Variants in NKAIN2 observed in about 807,000 individuals in gnomAD.
NKAIN2 encodes the protein sodium/potassium-transporting ATPase subunit beta-1-interacting protein 2.
Under a neutral mutation model 32.6 loss-of-function variants are expected in NKAIN2, and 14 were observed. That is an observed-to-expected ratio of 0.43 (90% CI 0.28 to 0.67). The LOEUF (loss-of-function observed/expected upper bound fraction) is 0.67, where lower values mean the gene tolerates loss of function less well. Among genes scored for constraint, NKAIN2 ranks in the 30% least tolerant of loss-of-function variants. The pLI is 0.17. For missense variants in NKAIN2, 198 were observed against 258.3 expected, an observed-to-expected ratio of 0.77 and a Z score of 1.60; for synonymous variants, 80 against 87.2, an observed-to-expected ratio of 0.92 and a Z score of 0.46.
At chr6:124,426,424 A>C (rs1413862350) in intron 3 of NKAIN2, among the ~76,000 whole-genome samples, 1 of 152,206 alleles carries the variant, frequency 6.6e-6, no homozygotes, top group African/African-American at 2.4e-5. Flanking sequence ...AATATTTTCC[A>C]ATCATGTATC....
At chr6:124,619,854 G>T (rs1284833664) in intron 3 of NKAIN2, among the ~76,000 whole-genome samples, 3 of 152,068 alleles carry the variant, frequency 2.0e-5, no homozygotes, top group Non-Finnish European at 1.5e-5. Flanking sequence ...AGAACACATG[G>T]CTATGGAGTT....
chr6:124,165,418 T>C (rs944101311), intron 1 of NKAIN2, among the ~76,000 whole-genome samples: 26 of 152,052 alleles, frequency 1.7e-4, no homozygotes, highest in Non-Finnish European at 1.0e-4. Flanking sequence ...CAATTTCCTT[T>C]TTTGCTATAT....
chr6:124,082,634 A>G (rs770627043), intron 1 of NKAIN2, among the ~76,000 whole-genome samples: 1 of 152,040 alleles, frequency 6.6e-6, no homozygotes, highest in Non-Finnish European at 1.5e-5. Context: ...CACATGGCCA[A>G]TATAAAAAAA....
intron 3 of NKAIN2, among the ~76,000 whole-genome samples, chr6:124,426,857 G>A (rs1775003034): frequency 6.6e-6 from 1 of 152,050 alleles, no homozygotes; most frequent in African/African-American, 2.4e-5. Context: ...GTTTTATAAA[G>A]GGGAGTTTCC....
chr6:124,664,590 C>T (rs1026678285), intron 4 of NKAIN2, among the ~76,000 whole-genome samples: 3 of 150,524 alleles, frequency 2.0e-5, no homozygotes, highest in African/African-American at 4.9e-5. Context: ...GTCAGGAGAT[C>T]GAGACCATCC....
chr6:124,048,942 A>G (rs1382005144), intron 1 of NKAIN2, among the ~76,000 whole-genome samples: 1 of 152,066 alleles, frequency 6.6e-6, no homozygotes. Flanking sequence ...ATATGAGTTT[A>G]TCAAATGTTC....
intron 3 of NKAIN2, among the ~76,000 whole-genome samples, chr6:124,356,109 A>C (rs1798957743): frequency 6.6e-6 from 1 of 152,174 alleles, no homozygotes. Flanking sequence ...AAAAATTGTA[A>C]AATGTTCTTT....
At chr6:124,197,428 T>C (rs1403931005) in intron 1 of NKAIN2, among the ~76,000 whole-genome samples, 1 of 152,156 alleles carries the variant, frequency 6.6e-6, no homozygotes, top group Non-Finnish European at 1.5e-5. Flanking sequence ...GTTATTTGGT[T>C]GTATTATGAC....
intron 1 of NKAIN2, among the ~76,000 whole-genome samples, chr6:124,004,686 GA>G (rs774820721): frequency 1.3e-5 from 2 of 151,726 alleles, no homozygotes; most frequent in Non-Finnish European, 2.9e-5. Context: ...ACAGGGTGGG[GA>G]ACATCACACA....
At chr6:123,824,325 T>C (rs971642856) in intron 1 of NKAIN2, among the ~76,000 whole-genome samples, 3 of 151,986 alleles carry the variant, frequency 2.0e-5, no homozygotes, top group African/African-American at 4.8e-5. Flanking sequence ...TACATGAACA[T>C]GATTATCTGT....
intron 3 of NKAIN2, among the ~76,000 whole-genome samples, chr6:124,387,576 G>T (rs916739664): frequency 6.6e-6 from 1 of 152,104 alleles, no homozygotes; most frequent in Non-Finnish European, 1.5e-5. Context: ...CAAAGCATAT[G>T]AGTAACAAAA....
intron 2 of NKAIN2, among the ~76,000 whole-genome samples, chr6:124,306,875 G>A (rs1220495822): frequency 1.3e-5 from 2 of 152,020 alleles, no homozygotes; most frequent in Admixed American, 6.6e-5. Flanking sequence ...ACAATATTAA[G>A]GCACAATACA....
intron 1 of NKAIN2, chr6:123,829,254 A>G (rs1774275913): frequency 6.6e-6 from 1 of 152,134 alleles, no homozygotes; most frequent in African/African-American, 2.4e-5. Context: ...CGTTACTCAG[A>G]TGATTCTCAA....
Position 124,120,207 on chromosome 6 carries a change from T to C in NKAIN2, c.55-162798T>C, listed in dbSNP as rs192424992. 2.4e-3 allele frequency among the ~76,000 whole-genome samples: 371 copies of C among 152,322 alleles called. 1 individual carries two copies. Among genetic ancestry groups the C allele is most frequent in the African/African-American group, 7.4e-3 (308 of 41,588 alleles). On this transcript the variant is annotated intron_variant, in intron 1 of 6. Coordinates refer to ENST00000368417, the MANE Select transcript of NKAIN2 (RefSeq NM_001040214.3). ...TACATTTTTAAAAATTTTATTTTAATGCCCTATATGTCATGACCACTTAAC... is the reference window on the plus strand; with the variant it reads ...TACATTTTTAAAAATTTTATTTTAACGCCCTATATGTCATGACCACTTAAC...
At chr6:124,028,904 CACATATATGTATATATATGTGT>C (rs1781275566) in intron 1 of NKAIN2, among the ~76,000 whole-genome samples, 1 of 15,820 alleles carries the variant, frequency 6.3e-5, no homozygotes, top group Non-Finnish European at 1.0e-4. Context: ...TATATATATA[CACATATATGTATATATATGTGT>C]ATATATATAT....
At chr6:124,806,533 C>A (rs1780571760) in intron 5 of NKAIN2, among the ~76,000 whole-genome samples, 1 of 152,026 alleles carries the variant, frequency 6.6e-6, no homozygotes, top group African/African-American at 2.4e-5. Flanking sequence ...ACTGCAAAAT[C>A]ATGCCAAAAT....
intron 4 of NKAIN2, among the ~76,000 whole-genome samples, chr6:124,723,779 A>G (rs1193360164): frequency 6.6e-6 from 1 of 152,192 alleles, no homozygotes; most frequent in East Asian, 1.9e-4. Flanking sequence ...AAAATTTTAA[A>G]CTACTTGTGC....
rs115823994 is a variant in NKAIN2, at chr6:123,814,297, A to T, written c.54+10043A>T. Among the ~76,000 whole-genome samples the T allele has an allele frequency of 7.2e-3, 1,095 of 152,312 alleles. 15 individuals carry two copies. Among genetic ancestry groups the T allele is most frequent in the African/African-American group, 0.025 (1,052 of 41,576 alleles). The stretch of plus-strand genomic sequence containing the variant: ...TTCATAGATTAATTTTCTTAAGAAC[A>T]TATTTCTGGTTTTATCAAAAGCGTT... On this transcript the variant is annotated intron_variant, in intron 1 of 6. Transcript: ENST00000368417.
intron 3 of NKAIN2, among the ~76,000 whole-genome samples, chr6:124,382,844 T>C (rs1242022950): frequency 6.6e-6 from 1 of 152,186 alleles, no homozygotes; most frequent in Non-Finnish European, 1.5e-5. Flanking sequence ...CCTTAACTAT[T>C]GTGAGAGAAA....
Sources: gnomAD v4.1 joint callset for allele counts (sites outside exome capture counted in the v4.1 genomes callset) on GRCh38, gnomAD v4.1.1 for gene constraint, MANE v1.5 for transcripts, NCBI Gene and HGNC (gene_info 2026-07-23, HGNC 2026-07-21) for gene names.